The following SAMD12 variants were observed in gnomAD, a reference collection of about 807,000 sequenced individuals.
SAMD12 encodes the protein sterile alpha motif domain-containing protein 12.
A neutral mutation model predicts 15.0 loss-of-function variants in SAMD12; 9 were observed. That is an observed-to-expected ratio of 0.60 (90% confidence interval 0.36 to 1.05). The LOEUF is 1.05. Ranked by LOEUF, SAMD12 falls within the 50% of genes least tolerant of loss-of-function variation. The pLI is 0.01. For synonymous variants in SAMD12, 86 were observed against 90.1 expected (o/e 0.96, Z 0.25); for missense variants, 230 against 234.2 (o/e 0.98, Z 0.12).
chr8:118,464,104 A>C (rs900305203), intron 2 of SAMD12, among the ~76,000 whole-genome samples: 7 of 152,206 alleles, frequency 4.6e-5, no homozygotes, highest in Non-Finnish European at 1.0e-4. Flanking sequence ...CTGATCCTTC[A>C]ATTATATACT....
At chr8:118,193,162 G>T (rs928766295) in exon 5 of SAMD12, 1 of 152,208 alleles carries the variant, frequency 6.6e-6, no homozygotes, top group African/African-American at 2.4e-5. Context: ...TAAGGTGATG[G>T]ACAGAAGGCC....
chr8:118,134,874 T>C, the SAMD12 span, among the ~76,000 whole-genome samples: 4 of 152,344 alleles, frequency 2.6e-5, 1 homozygote, highest in Middle Eastern at 6.8e-3. Context: ...TTGCTCATTA[T>C]TGTCTGAGGT....
chr8:118,229,187 T>C (rs969483901), intron 4 of SAMD12, among the ~76,000 whole-genome samples: 16 of 152,052 alleles, frequency 1.1e-4, no homozygotes, highest in African/African-American at 3.9e-4. Context: ...GTGCAGTGTA[T>C]ACTGCTTGGG....
intron 2 of SAMD12, among the ~76,000 whole-genome samples, chr8:118,544,553 C>T (rs532251488): frequency 2.0e-5 from 3 of 152,296 alleles, no homozygotes; most frequent in African/African-American, 4.8e-5. Flanking sequence ...TACACGGTTG[C>T]TCCAGGGATT....
In SAMD12 at chr8:118,372,357, T is replaced by C. The variant is rs137983980; in HGVS notation, c.433+7203A>G. ...TGTTTGACCTGAGATTCTCAGGAAA[T>C]TGGGGCCCCTAATGATACTGATGGC... On this transcript the variant is annotated intron_variant, in intron 4 of 4. Transcript: ENST00000409003. Among the ~76,000 whole-genome samples, 821 of 152,056 alleles carry C rather than the reference T, an allele frequency of 5.4e-3. 12 individuals are homozygous for C. The highest frequency in any genetic ancestry group is 0.019 in the African/African-American group (774 of 41,472).
rs113166917 is a variant in SAMD12 at position 118,247,061 on chromosome 8, C to G, written c.434-49329G>C. The stretch of plus-strand genomic sequence containing the variant: ...ATATGGAGGATAAGATTACAGGAAG[C>G]AAGACTGGAGGCAGGCTTTAAAAAG... On this transcript the variant is annotated intron_variant, in intron 4 of 4. Transcript: ENST00000409003. Among the ~76,000 whole-genome samples, 419 of 152,128 alleles carry G rather than the reference C, an allele frequency of 2.8e-3. 3 individuals carry two copies. The highest frequency in any genetic ancestry group is 9.7e-3 in the African/African-American group (401 of 41,520).
At chr8:118,434,178 CTCA>C (rs1235716567) in intron 3 of SAMD12, among the ~76,000 whole-genome samples, 2 of 152,116 alleles carry the variant, frequency 1.3e-5, no homozygotes, top group Non-Finnish European at 2.9e-5. Context: ...GGTGCTACAT[CTCA>C]GCAGAATATT....
chr8:118,446,438 T>C (rs771310037), intron 2 of SAMD12, among the ~76,000 whole-genome samples: 1 of 152,234 alleles, frequency 6.6e-6, no homozygotes, highest in East Asian at 1.9e-4. Flanking sequence ...ATGATGAATA[T>C]ATCAAGGCTT....
intron 3 of SAMD12, among the ~76,000 whole-genome samples, chr8:118,429,610 G>A (rs760485228): frequency 1.3e-5 from 2 of 151,808 alleles, no homozygotes; most frequent in Non-Finnish European, 2.9e-5. Flanking sequence ...TAGAAGGTAA[G>A]TAGCCGGGTG....
At chr8:118,278,226 A>T (rs111846477) in intron 4 of SAMD12, among the ~76,000 whole-genome samples, 1,715 of 152,278 alleles carry the variant, frequency 0.011, 25 homozygotes, top group African/African-American at 0.038. Context: ...TCACATAGTA[A>T]ATCTCATGAA....
intron 2 of SAMD12, among the ~76,000 whole-genome samples, chr8:118,555,175 T>C (rs1487533830): frequency 6.6e-6 from 1 of 152,238 alleles, no homozygotes; most frequent in South Asian, 2.1e-4. Context: ...ACACACAGCG[T>C]ACCTCCTCAC....
chr8:118,457,567 T>C (rs1457770796), intron 2 of SAMD12, among the ~76,000 whole-genome samples: 1 of 152,166 alleles, frequency 6.6e-6, no homozygotes, highest in Non-Finnish European at 1.5e-5. Context: ...CGGCAGCTAC[T>C]TAACAAGCCA....
chr8:118,213,561 T>C (rs945079171), intron 4 of SAMD12, among the ~76,000 whole-genome samples: 3 of 152,234 alleles, frequency 2.0e-5, no homozygotes, highest in African/African-American at 7.2e-5. Context: ...AAGAGGTCCC[T>C]GCTAAGCCTT....
intron 3 of SAMD12, among the ~76,000 whole-genome samples, chr8:118,426,696 G>A (rs555674272): frequency 6.6e-6 from 1 of 152,258 alleles, no homozygotes; most frequent in South Asian, 2.1e-4. Flanking sequence ...ATGTGTCCTT[G>A]GAGCAGTAGT....
intron 4 of SAMD12, among the ~76,000 whole-genome samples, chr8:118,316,205 T>C (rs959313143): frequency 1.3e-5 from 2 of 151,932 alleles, no homozygotes; most frequent in African/African-American, 4.8e-5. Flanking sequence ...ACCAGTTCCA[T>C]TATCTTGACC....
chr8:118,474,435 C>T (rs551190547), intron 2 of SAMD12, among the ~76,000 whole-genome samples: 2 of 152,142 alleles, frequency 1.3e-5, no homozygotes, highest in Admixed American at 6.5e-5. Flanking sequence ...GGCTGGAGTG[C>T]AATGGTGCGA....
At chr8:118,621,686 C>G (rs542030034) in intron 1 of SAMD12, 118 bp downstream of exon 1, 25 of 1,170,216 alleles carry the variant, frequency 2.1e-5, no homozygotes, top group Non-Finnish European at 3.1e-5. Flanking sequence ...GAGGAAGGGG[C>G]CCGCTCTCCG....
intron 2 of SAMD12, among the ~76,000 whole-genome samples, chr8:118,575,057 T>C (rs1185769724): frequency 6.6e-6 from 1 of 152,202 alleles, no homozygotes; most frequent in Non-Finnish European, 1.5e-5. Context: ...TGGTTCCTGC[T>C]TACTGTCACA....
chr8:118,269,908 A>C (rs1185265291), intron 4 of SAMD12, among the ~76,000 whole-genome samples: 1 of 152,190 alleles, frequency 6.6e-6, no homozygotes, highest in East Asian at 1.9e-4. Context: ...AACCCTGGCT[A>C]GGTAAATCAT....
Sources: allele counts gnomAD v4.1 joint callset (sites outside exome capture counted in the v4.1 genomes callset), GRCh38; gene constraint gnomAD v4.1.1; transcripts MANE v1.5; gene names NCBI Gene and HGNC (gene_info 2026-07-23, HGNC 2026-07-21).